The following SLC27A2 variants were observed in gnomAD, a reference collection of about 807,000 sequenced individuals.
SLC27A2 encodes the protein solute carrier family 27 member 2.
A neutral mutation model predicts 60.0 loss-of-function variants in SLC27A2; 54 were observed. That is an observed-to-expected ratio of 0.90 (90% CI 0.72 to 1.13). SLC27A2 has a LOEUF of 1.13. Ranked by LOEUF, SLC27A2 falls within the 50% of genes most tolerant of loss-of-function variation. SLC27A2 has a pLI of 0.00. For missense variants in SLC27A2, 739 were observed against 777.6 expected, an observed-to-expected ratio of 0.95 and a Z score of 0.59; for synonymous variants, 297 against 297.6, an observed-to-expected ratio of 1.00 and a Z score of 0.02.
intron 9 of SLC27A2, among the ~76,000 whole-genome samples, chr15:50,234,261 CGT>C (rs1567439918): frequency 2.0e-5 from 3 of 151,696 alleles, no homozygotes; most frequent in Admixed American, 2.0e-4. Context: ...GCCTAGGCAA[CGT>C]AGTGAGACTT....
In SLC27A2 at chr15:50,222,997, G is replaced by A. The variant is rs772370499; in HGVS notation, c.1005G>A (p.Leu335=). 5 of 1,612,952 alleles carry A rather than the reference G, an allele frequency of 3.1e-6. No individual in the cohort carries two copies. In the South Asian group the frequency reaches 5.5e-5, roughly 18 times the overall value. Residue 335 remains leucine (L), a synonymous_variant, in exon 5 of 10, where the codon CTG becomes CTA. Coordinates refer to ENST00000267842, the MANE Select transcript of SLC27A2 (RefSeq NM_003645.4). ...KPNDRDHKVR[L]ALGNGLRGDV... is the part of the protein sequence containing the mutation. Reference sequence around the variant, plus strand: ...ATGACCGTGATCATAAAGTGAGACTGGCACTGGGAAATGGCTTACGAGGAG... The same window carrying A: ...ATGACCGTGATCATAAAGTGAGACTAGCACTGGGAAATGGCTTACGAGGAG...
At position 50,183,994 on chromosome 15, in the gene SLC27A2, C is replaced by CTTTTTTTTTTTTTTTTTTTTTTTTTT. The variant is rs577766814; in HGVS notation, c.478+1107_478+1108insTTTTTTTTTTTTTTTTTTTTTTTTTT. Among the ~76,000 whole-genome samples the CTTTTTTTTTTTTTTTTTTTTTTTTTT allele has an allele frequency of 5.5e-5, 5 of 91,170 alleles. 1 individual carries two copies. The highest frequency in any genetic ancestry group is 4.2e-5 in the Non-Finnish European group (2 of 47,466). The allele number at this position is 91,170 out of a possible 152,430, so 59.8% of individuals were successfully genotyped here. On this transcript the variant is annotated intron_variant, in intron 1 of 9. Transcript: ENST00000267842. ...TTCGAAGCCATGCTCTTTCCTACATCTTTTTTTTTTTTTTTTTTGACAGTC... is the reference window on the plus strand; with the variant it reads ...TTCGAAGCCATGCTCTTTCCTACATCTTTTTTTTTTTTTTTTTTTTTTTTTTTTTTTTTTTTTTTTTTTTGACAGTC...
At chr15:50,222,530 C>T (rs1467235813) in intron 4 of SLC27A2, among the ~76,000 whole-genome samples, 1 of 152,234 alleles carries the variant, frequency 6.6e-6, no homozygotes, top group East Asian at 1.9e-4. Flanking sequence ...CCATCTCTGA[C>T]AGATCTTTCC....
At position 50,197,726 on chromosome 15, in the gene SLC27A2, G is replaced by A; in HGVS notation, c.688+17G>A. 2.5e-6 allele frequency: 4 copies of A among 1,581,382 alleles called. No homozygotes were observed. The highest frequency in any genetic ancestry group is 2.6e-6 in the Non-Finnish European group (3 of 1,152,164). On this transcript the variant is annotated intron_variant, in intron 2 of 9. Transcript: ENST00000267842. ...GAACCACAGGTAAAAATAAAGGGGGGATTCTCCAAAAAAATTAATCTGAAG... is the reference window on the plus strand; with the variant it reads ...GAACCACAGGTAAAAATAAAGGGGGAATTCTCCAAAAAAATTAATCTGAAG...
At chr15:50,186,138 G>C (rs1372285374) in intron 1 of SLC27A2, among the ~76,000 whole-genome samples, 1 of 152,074 alleles carries the variant, frequency 6.6e-6, no homozygotes, top group Non-Finnish European at 1.5e-5. Context: ...CAGTTACTGG[G>C]GAGGCTGAGG....
At chr15:50,216,263 C>A (rs1195508416) in intron 4 of SLC27A2, among the ~76,000 whole-genome samples, 1 of 151,844 alleles carries the variant, frequency 6.6e-6, no homozygotes, top group Non-Finnish European at 1.5e-5. Context: ...TGCGATACCA[C>A]CTTACTCCTT....
At chr15:50,196,633 T>A (rs1188281557) in intron 1 of SLC27A2, among the ~76,000 whole-genome samples, 1 of 152,218 alleles carries the variant, frequency 6.6e-6, no homozygotes, top group Non-Finnish European at 1.5e-5. Context: ...CTTCAAAATT[T>A]CTATTTCCTT....
chr15:50,188,921 C>T (rs1300470007), intron 1 of SLC27A2, among the ~76,000 whole-genome samples: 2 of 152,074 alleles, frequency 1.3e-5, no homozygotes, highest in Middle Eastern at 3.2e-3. Context: ...GATCACACTA[C>T]TGCATTCCAG....
intron 2 of SLC27A2, among the ~76,000 whole-genome samples, chr15:50,201,823 A>G (rs1271966827): frequency 2.0e-5 from 3 of 152,118 alleles, no homozygotes; most frequent in Non-Finnish European, 2.9e-5. Flanking sequence ...CCAAAGTGTT[A>G]GGATTACAGG....
intron 1 of SLC27A2, among the ~76,000 whole-genome samples, chr15:50,194,807 TGTAAA>T (rs755234165): frequency 5.9e-5 from 9 of 151,470 alleles, no homozygotes; most frequent in African/African-American, 2.2e-4. Flanking sequence ...TTTTAAAAAA[TGTAAA>T]GGAGGGGAAT....
At chr15:50,222,210 C>A (rs1483712373) in intron 4 of SLC27A2, among the ~76,000 whole-genome samples, 1 of 152,090 alleles carries the variant, frequency 6.6e-6, no homozygotes, top group African/African-American at 2.4e-5. Context: ...TCTTCCCAGG[C>A]CACCTGAGGC....
In SLC27A2 at chr15:50,223,036, A is replaced by G. The variant is rs2045254485; in HGVS notation, c.1044A>G (p.Gln348=). ...GNGLRGDVWR[Q]FVKRFGDICI... ...GCTTACGAGGAGATGTGTGGAGACA[A>G]TTTGTCAAGAGATTTGGGGACATAT... The change falls in exon 5 of 10, where the codon CAA becomes CAG. Residue 348 remains glutamine (Q), a synonymous_variant. Transcript: ENST00000267842. The G allele has an allele frequency of 1.2e-6, 2 of 1,613,962 alleles. No individual in the cohort carries two copies. The highest frequency in any genetic ancestry group is 1.3e-5 in the African/African-American group (1 of 75,012).
chr15:50,197,438 G>A (rs2045032059), intron 1 of SLC27A2, 62 bp from the exon 2 acceptor site: 5 of 1,242,380 alleles, frequency 4.0e-6, no homozygotes, highest in Non-Finnish European at 5.8e-6. Flanking sequence ...GCTTGTTGAA[G>A]CACTAATAGA....
At position 50,227,181 on chromosome 15, in the gene SLC27A2, T is replaced by G; in HGVS notation, c.1457+3T>G. 6.2e-7 allele frequency: 1 copy of G among 1,612,492 alleles called. No homozygotes were observed. The highest frequency in any genetic ancestry group is 8.5e-7 in the Non-Finnish European group (1 of 1,179,006). On this transcript the variant is annotated splice_donor_region_variant and intron_variant, in intron 7 of 9. Transcript: ENST00000267842. ...GACAGAGTTGGAGATACATTCCGGT[T>G]GGTTTTTCTGAATCATTGAGCCAAA...
intron 7 of SLC27A2, 88 bp from the exon 8 acceptor site, chr15:50,228,857 G>A: frequency 1.1e-6 from 1 of 877,190 alleles, no homozygotes; most frequent in Non-Finnish European, 1.9e-6. Context: ...GGATCATGCA[G>A]AAATCTAAAG....
At chr15:50,235,020 G>C (rs1044375060) in intron 9 of SLC27A2, among the ~76,000 whole-genome samples, 20 of 152,182 alleles carry the variant, frequency 1.3e-4, no homozygotes, top group African/African-American at 4.3e-4. Flanking sequence ...AATTGCCTAA[G>C]ACTTAACTAT....
chr15:50,219,969 G>A (rs140597975), intron 4 of SLC27A2, among the ~76,000 whole-genome samples: 6 of 152,268 alleles, frequency 3.9e-5, no homozygotes, highest in East Asian at 3.9e-4. Flanking sequence ...AACACTGTTC[G>A]CCCTATGGGA....
At chr15:50,190,505 A>C (rs544971246) in intron 1 of SLC27A2, among the ~76,000 whole-genome samples, 2 of 152,260 alleles carry the variant, frequency 1.3e-5, no homozygotes, top group South Asian at 4.1e-4. Context: ...CTGCAGGTTT[A>C]GCCTGAGCAC....
intron 4 of SLC27A2, among the ~76,000 whole-genome samples, chr15:50,208,922 T>G (rs2045133842): frequency 6.6e-6 from 1 of 152,212 alleles, no homozygotes; most frequent in Non-Finnish European, 1.5e-5. Context: ...CAATGTCATC[T>G]AGGGAAAGTT....
Sources: gnomAD v4.1 joint callset for allele counts (sites outside exome capture counted in the v4.1 genomes callset) on GRCh38, gnomAD v4.1.1 for gene constraint, MANE v1.5 for transcripts, NCBI Gene and HGNC (gene_info 2026-07-23, HGNC 2026-07-21) for gene names.